Variants in ZC3H3 observed in about 807,000 individuals in gnomAD.
ZC3H3 encodes zinc finger CCCH domain-containing protein 3.
In ZC3H3, 36 loss-of-function variants were observed where a neutral mutation model predicts 77.3. That is an observed-to-expected ratio of 0.47 (90% confidence interval 0.36 to 0.61). ZC3H3 has a LOEUF of 0.61. Ranked by LOEUF, ZC3H3 falls within the 20% of genes least tolerant of loss-of-function variation. The pLI is 0.00. For missense variants in ZC3H3, 1,331 were observed against 1,312.2 expected (o/e 1.01, Z -0.22); for synonymous variants, 626 against 555.2 (o/e 1.13, Z -1.79).
At chr8:143,497,788 C>T (rs190217893) in intron 4 of ZC3H3, among the ~76,000 whole-genome samples, 8 of 152,308 alleles carry the variant, frequency 5.3e-5, no homozygotes, top group African/African-American at 1.7e-4. Flanking sequence ...CAGTGGTCTC[C>T]GGGTCTCACG....
chr8:143,478,650 C>T (rs1820815818), intron 4 of ZC3H3, among the ~76,000 whole-genome samples: 1 of 152,236 alleles, frequency 6.6e-6, no homozygotes, highest in Non-Finnish European at 1.5e-5. Context: ...GCTGGGATTA[C>T]AGGCATGTGC....
intron 4 of ZC3H3, among the ~76,000 whole-genome samples, chr8:143,497,127 T>C (rs1017673988): frequency 6.6e-6 from 1 of 152,250 alleles, no homozygotes; most frequent in Non-Finnish European, 1.5e-5. Flanking sequence ...GGTGGTATTT[T>C]TGCAACTTCT....
chr8:143,507,310 C>T (rs995898787), intron 4 of ZC3H3, among the ~76,000 whole-genome samples: 2 of 152,266 alleles, frequency 1.3e-5, no homozygotes, highest in Non-Finnish European at 2.9e-5. Flanking sequence ...TAGCTCACAT[C>T]ACCGCCTTGA....
chr8:143,461,578 C>T (rs933092007), intron 9 of ZC3H3, among the ~76,000 whole-genome samples: 1 of 152,154 alleles, frequency 6.6e-6, no homozygotes, highest in Non-Finnish European at 1.5e-5. Context: ...CAGTATTATT[C>T]ACGACAGCCC....
At position 143,538,729 on chromosome 8, in the gene ZC3H3, CG is replaced by C; in HGVS notation, c.637del (p.Arg213GlyfsTer11). On this transcript the variant is annotated frameshift_variant, in exon 2 of 12. Transcript: ENST00000262577. LOFTEE classifies it high-confidence loss of function. ...KSVGSVGDSP[R>X]EPRRTVSESV... ...CTCACTGACTGTCCGGCGGGGCTCC[CG>C]GGGGCTGTCGCCCACACTGCCCACT... The C allele has an allele frequency of 6.2e-7, 1 of 1,609,624 alleles. No individual in the cohort carries two copies.
At chr8:143,519,696 G>A (rs750890649) in intron 3 of ZC3H3, among the ~76,000 whole-genome samples, 54 of 152,180 alleles carry the variant, frequency 3.5e-4, no homozygotes, top group Non-Finnish European at 6.9e-4. Context: ...CAAGCGGCCC[G>A]CCTCACCTTT....
intron 5 of ZC3H3, among the ~76,000 whole-genome samples, chr8:143,471,335 G>C (rs900722025): frequency 6.6e-6 from 1 of 152,238 alleles, no homozygotes; most frequent in Non-Finnish European, 1.5e-5. Context: ...TGTGGGGCGG[G>C]GGCAAGCCGA....
chr8:143,517,002 T>C (rs1054983077), intron 3 of ZC3H3, among the ~76,000 whole-genome samples: 5 of 152,204 alleles, frequency 3.3e-5, no homozygotes, highest in African/African-American at 1.2e-4. Context: ...TGTTCCACAC[T>C]ACCTGGTGTT....
chr8:143,456,248 A>C (rs562925086), intron 9 of ZC3H3, among the ~76,000 whole-genome samples: 5 of 152,238 alleles, frequency 3.3e-5, no homozygotes, highest in Non-Finnish European at 7.4e-5. Context: ...ACCCACAGGG[A>C]AAAAAAGAAC....
In ZC3H3 at chr8:143,494,174, G is replaced by A. The variant is rs1346536275; in HGVS notation, c.1715+13572C>T. ...CCCCAAGACCCCACAGGCTGACCAC[G>A]CCTGGTGCCCACCCACACCCCACAC... is the stretch of plus-strand genomic sequence containing the variant. On this transcript the variant is annotated intron_variant, in intron 4 of 11. Coordinates refer to ENST00000262577, the MANE Select transcript of ZC3H3 (RefSeq NM_015117.3). This position sits in a 1 kb window ranked among gnomAD's most constrained non-coding sequence, Gnocchi z 5.3. 6.6e-6 allele frequency among the ~76,000 whole-genome samples: 1 copy of A among 152,164 alleles called. No homozygotes were observed. Among genetic ancestry groups the A allele is most frequent in the Non-Finnish European group, 1.5e-5 (1 of 68,020 alleles).
At chr8:143,475,686 G>A in intron 4 of ZC3H3, 101 bp from the exon 5 acceptor site, 1 of 1,363,314 alleles carries the variant, frequency 7.3e-7, no homozygotes. Flanking sequence ...TCCCAAGGGG[G>A]ACAGGGAGCA....
intron 4 of ZC3H3, among the ~76,000 whole-genome samples, chr8:143,497,193 T>G (rs1030499355): frequency 1.3e-5 from 2 of 152,140 alleles, no homozygotes; most frequent in African/African-American, 4.8e-5. Context: ...AAGAAGCTAG[T>G]TAGGAGAGGA....
intron 4 of ZC3H3, among the ~76,000 whole-genome samples, chr8:143,503,999 G>A (rs183371119): frequency 6.6e-5 from 10 of 152,320 alleles, no homozygotes; most frequent in Admixed American, 2.0e-4. Flanking sequence ...GAGAGAGGGC[G>A]CGTGTGCCAA....
intron 4 of ZC3H3, among the ~76,000 whole-genome samples, chr8:143,479,139 G>A (rs766519636): frequency 5.3e-4 from 81 of 152,316 alleles, no homozygotes; most frequent in Admixed American, 1.4e-3. Flanking sequence ...GTGGCAGAAC[G>A]TCGGGCCTGT....
At chr8:143,503,436 C>T (rs940868281) in intron 4 of ZC3H3, among the ~76,000 whole-genome samples, 1 of 152,136 alleles carries the variant, frequency 6.6e-6, no homozygotes, top group African/African-American at 2.4e-5. Context: ...TTCCATCTGA[C>T]AACGACGAGC....
chr8:143,491,288 G>C (rs900375119), intron 4 of ZC3H3, among the ~76,000 whole-genome samples: 12 of 152,224 alleles, frequency 7.9e-5, no homozygotes, highest in Admixed American at 7.2e-4. Context: ...CTCCAGATTT[G>C]TCACCAGACA....
intron 2 of ZC3H3, 134 bp downstream of exon 2, chr8:143,537,869 T>A: frequency 9.8e-7 from 1 of 1,021,242 alleles, no homozygotes; most frequent in Admixed American, 2.3e-5. Flanking sequence ...CAGCAGCACT[T>A]CCTGCCTCAT....
intron 9 of ZC3H3, among the ~76,000 whole-genome samples, chr8:143,457,925 T>C (rs921129804): frequency 1.3e-5 from 2 of 151,194 alleles, no homozygotes; most frequent in East Asian, 1.9e-4. Flanking sequence ...ATTTCAAGAA[T>C]GTAGAGGAAA....
intron 3 of ZC3H3, among the ~76,000 whole-genome samples, chr8:143,511,370 G>A (rs1343432336): frequency 6.6e-6 from 1 of 152,244 alleles, no homozygotes; most frequent in East Asian, 1.9e-4. Context: ...TGTGGAGCAG[G>A]AGTGAGGGAG....
Sources: allele counts gnomAD v4.1 joint callset (sites outside exome capture counted in the v4.1 genomes callset), GRCh38; gene constraint gnomAD v4.1.1; non-coding constraint Gnocchi (gnomAD v3.1); transcripts MANE v1.5; gene names NCBI Gene and HGNC (gene_info 2026-07-23, HGNC 2026-07-21).